RPP14: variants seen among roughly 807,000 people sequenced by gnomAD.
The protein encoded by RPP14 is ribonuclease P protein subunit p14.
RPP14 carries 19 observed loss-of-function variants against 17.8 expected under a neutral mutation model. That is an observed-to-expected ratio of 1.07 (90% confidence interval 0.74 to 1.57). RPP14 has a LOEUF of 1.57. Among genes scored for constraint, RPP14 ranks in the 40% most tolerant of loss-of-function variants. The probability of loss-of-function intolerance (pLI) is 0.00; values close to 1 mark genes in which losing one functional copy is unlikely to be tolerated. For synonymous variants in RPP14, 60 were observed against 56.4 expected (o/e 1.06, Z -0.29); for missense variants, 125 against 140.8 (o/e 0.89, Z 0.57).
In RPP14 at chr3:58,310,405, C is replaced by T; in HGVS notation, c.76C>T (p.Leu26=). The T allele has an allele frequency of 6.2e-7, 1 of 1,613,606 alleles. No individual in the cohort carries two copies. The highest frequency in any genetic ancestry group is 1.7e-4 in the Middle Eastern group (1 of 6,060). Residue 26 remains leucine (L), a splice_region_variant and synonymous_variant, in exon 2 of 6, where the codon CTA becomes TTA. Transcript: ENST00000295959. ...CGAGTACCACTACATGAAAGTCTGC[C>T]TGTAAGTTTAGTTTCCTAAGTTCTA... ...PSEYHYMKVC[L]EFQDCGVGLN... is the part of the protein sequence containing the mutation.
At chr3:58,310,179 C>T in intron 1 of RPP14, 130 bp from the exon 2 acceptor site, 4 of 657,202 alleles carry the variant, frequency 6.1e-6, no homozygotes, top group Non-Finnish European at 8.0e-6. Flanking sequence ...TGCACTTCAG[C>T]CTAGGTGACA....
intron 3 of RPP14, among the ~76,000 whole-genome samples, chr3:58,314,137 G>A (rs2097485365): frequency 6.6e-6 from 1 of 151,952 alleles, no homozygotes. Context: ...GATTGCCTGA[G>A]GTCAGGAGTT....
intron 3 of RPP14, among the ~76,000 whole-genome samples, chr3:58,312,334 A>ACCCT (rs2097483126): frequency 1.4e-5 from 1 of 69,662 alleles, no homozygotes; most frequent in African/African-American, 5.3e-5. Context: ...CAACCTCCGC[A>ACCCT]CCCCCCCCCG....
Position 58,310,325 on chromosome 3 carries a change from A to G in RPP14, c.-5A>G. The G allele has an allele frequency of 6.2e-7, 1 of 1,613,582 alleles. No individual in the cohort carries two copies. The highest frequency in any genetic ancestry group is 1.7e-5 in the Admixed American group (1 of 60,016). ...TTACTGTAGGTGTGATCAGCACTGG[A>G]AAAGATGCCTGCCCCTGCTGCCACA... On this transcript the variant is annotated 5_prime_UTR_variant, in exon 2 of 6. Coordinates refer to ENST00000295959, the MANE Select transcript of RPP14 (RefSeq NM_007042.6).
At chr3:58,316,476 G>T (rs565503751) in intron 3 of RPP14, 39 bp from the exon 4 acceptor site, 6 of 1,551,210 alleles carry the variant, frequency 3.9e-6, no homozygotes, top group Non-Finnish European at 5.3e-6. Context: ...CAAGAATAAT[G>T]GTGAGAATAG....
intron 5 of RPP14, 101 bp from the exon 6 acceptor site, chr3:58,317,339 C>T: frequency 2.7e-6 from 2 of 753,836 alleles, no homozygotes; most frequent in East Asian, 2.5e-5. Context: ...AATGCTCCTG[C>T]ATCAGCTTTG....
At position 58,318,495 on chromosome 3, in the gene RPP14, CA is replaced by C. The variant is rs34820106; in HGVS notation, c.*1020del. Reference sequence around the variant, plus strand: ...CAACATGGTGAAACCCCATCTCTACCAAAAAAAAAAAAAAAAAAAAAGTGCA... The same window carrying C: ...CAACATGGTGAAACCCCATCTCTACCAAAAAAAAAAAAAAAAAAAAGTGCA... On this transcript the variant is annotated 3_prime_UTR_variant, in exon 6 of 6. Coordinates refer to ENST00000295959, the MANE Select transcript of RPP14 (RefSeq NM_007042.6). The C allele has an allele frequency of 0.14, 11,708 of 83,764 alleles. 883 individuals carry two copies. The highest frequency in any genetic ancestry group is 0.28 in the African/African-American group (6,087 of 21,708). 5.2% of individuals were successfully genotyped at this position (83,764 alleles called of 1,614,324 possible).
At position 58,318,711 on chromosome 3, in the gene RPP14, A is replaced by T. The variant is rs2097491165; in HGVS notation, c.*1215A>T. 1 of 151,176 alleles carries T rather than the reference A, an allele frequency of 6.6e-6. No individual in the cohort carries two copies. The highest frequency in any genetic ancestry group is 2.4e-5 in the African/African-American group (1 of 41,072). The allele number at this position is 151,176 out of a possible 1,614,324, so 9.4% of individuals were successfully genotyped here. A position where few individuals can be genotyped will look rare whatever the true frequency, so the allele number is the denominator to read the frequency against. On this transcript the variant is annotated 3_prime_UTR_variant, in exon 6 of 6. Coordinates refer to ENST00000295959, the MANE Select transcript of RPP14 (RefSeq NM_007042.6). ...ATTGGGAAGGTTATTTAAAGACTCT[A>T]CTTTTAAATCAGGCGTGGCAGCTCA... is the stretch of plus-strand genomic sequence containing the variant.
rs1319944680 is a variant in RPP14, at chr3:58,309,865, CTGGG to C, written c.-21-443_-21-440del. On this transcript the variant is annotated intron_variant, in intron 1 of 5. Transcript: ENST00000295959. ...CAAGATTGTGCCACTGCACTCCAGCCTGGGCGACAGAGCAAGACTCCTTCTCCAA... is the reference window on the plus strand; with the variant it reads ...CAAGATTGTGCCACTGCACTCCAGCCCGACAGAGCAAGACTCCTTCTCCAA... 1.2e-3 allele frequency among the ~76,000 whole-genome samples: 177 copies of C among 152,102 alleles called. 1 individual carries two copies. Among genetic ancestry groups the C allele is most frequent in the Admixed American group, 9.1e-3 (139 of 15,264 alleles).
intron 1 of RPP14, among the ~76,000 whole-genome samples, chr3:58,306,871 A>G (rs1350709697): frequency 6.6e-6 from 1 of 152,246 alleles, no homozygotes; most frequent in African/African-American, 2.4e-5. Flanking sequence ...GGAAGTACAG[A>G]TAAAGATAAA....
intron 1 of RPP14, chr3:58,306,770 C>G (rs1421689161): frequency 3.9e-5 from 6 of 152,018 alleles, no homozygotes; most frequent in Admixed American, 6.5e-5. Flanking sequence ...CGCACGCCCA[C>G]TGTGCACGAC....
chr3:58,311,378 C>A (rs1445182547), intron 3 of RPP14, among the ~76,000 whole-genome samples: 1 of 152,220 alleles, frequency 6.6e-6, no homozygotes, highest in Non-Finnish European at 1.5e-5. Flanking sequence ...TGGTCTTGAA[C>A]TCCTGACCTC....
chr3:58,306,412 G>A lies in RPP14; in HGVS notation c.-27G>A, dbSNP rs2097474565. 6.6e-6 allele frequency: 1 copy of A among 152,312 alleles called. No homozygotes were observed. Among genetic ancestry groups the A allele is most frequent in the Middle Eastern group, 3.2e-3 (1 of 316 alleles). 9.4% of individuals were successfully genotyped at this position (152,312 alleles called of 1,614,324 possible). ...TCAGGCGTCAGGCTAGTCCGACGAA[G>A]AGTGGGTAGGTGGAAGCCTTCCAAA... On this transcript the variant is annotated 5_prime_UTR_variant, in exon 1 of 6. Coordinates refer to ENST00000295959, the MANE Select transcript of RPP14 (RefSeq NM_007042.6).
rs1378299305 is a variant in RPP14 at position 58,319,971 on chromosome 3, A to C, written c.*2475A>C. 1 of 152,168 alleles carries C rather than the reference A, an allele frequency of 6.6e-6. No individual in the cohort carries two copies. The highest frequency in any genetic ancestry group is 1.5e-5 in the Non-Finnish European group (1 of 68,040). The allele number at this position is 152,168 out of a possible 1,614,324, so 9.4% of individuals were successfully genotyped here. A position where few individuals can be genotyped will look rare whatever the true frequency, so the allele number is the denominator to read the frequency against. On this transcript the variant is annotated 3_prime_UTR_variant, in exon 6 of 6. Coordinates refer to ENST00000295959, the MANE Select transcript of RPP14 (RefSeq NM_007042.6). Reference sequence around the variant, plus strand: ...ACCCCCAAAAGAACCTCCCATTAGCAGTCAATCCATTTCTCTCCTCCAGTC... The same window carrying C: ...ACCCCCAAAAGAACCTCCCATTAGCCGTCAATCCATTTCTCTCCTCCAGTC...
intron 5 of RPP14, 49 bp downstream of exon 5, chr3:58,317,042 A>T: frequency 1.5e-6 from 2 of 1,323,762 alleles, no homozygotes; most frequent in Non-Finnish European, 2.2e-6. Context: ...GTGATGGGTC[A>T]ACTGCTTCTT....
At position 58,311,323 on chromosome 3, in the gene RPP14, T is replaced by C. The variant is rs536882414; in HGVS notation, c.162+732T>C. ...GCACACGCTACCATGCCCAACTAAT[T>C]TTTGTATTTTTACTAGAGACAGGGT... On this transcript the variant is annotated intron_variant, in intron 3 of 5. Coordinates refer to ENST00000295959, the MANE Select transcript of RPP14 (RefSeq NM_007042.6). 7.8e-4 allele frequency among the ~76,000 whole-genome samples: 118 copies of C among 152,246 alleles called. 3 individuals are homozygous for C. The South Asian group carries it at 0.023, about 30-fold the overall frequency.
chr3:58,315,055 C>A (rs1559795175), intron 3 of RPP14, among the ~76,000 whole-genome samples: 1 of 152,084 alleles, frequency 6.6e-6, no homozygotes, highest in African/African-American at 2.4e-5. Flanking sequence ...GGCATCTGTT[C>A]CAGAGGACTG....
At position 58,319,599 on chromosome 3, in the gene RPP14, C is replaced by T. The variant is rs2097492278; in HGVS notation, c.*2103C>T. ...ATTATTCCTTGAAAATTTGGATCTA[C>T]CTCCCATTATTATGAGTAATACATG... On this transcript the variant is annotated 3_prime_UTR_variant, in exon 6 of 6. Transcript: ENST00000295959. The T allele has an allele frequency of 2.0e-5, 3 of 150,992 alleles. No homozygotes were observed. The Admixed American group carries it at 2.0e-4, about 10-fold the overall frequency. 9.4% of individuals were successfully genotyped at this position (150,992 alleles called of 1,614,324 possible).
At chr3:58,309,223 T>C (rs562628149) in intron 1 of RPP14, among the ~76,000 whole-genome samples, 1 of 152,324 alleles carries the variant, frequency 6.6e-6, no homozygotes, top group South Asian at 2.1e-4. Flanking sequence ...ATTTTACTCC[T>C]TTATGTCTTT....
Sources: gnomAD v4.1 joint callset for allele counts (sites outside exome capture counted in the v4.1 genomes callset) on GRCh38, gnomAD v4.1.1 for gene constraint, MANE v1.5 for transcripts, NCBI Gene and HGNC (gene_info 2026-07-23, HGNC 2026-07-21) for gene names.